Variants in CCDC178 observed in about 807,000 individuals in gnomAD.
The protein encoded by CCDC178 is coiled-coil domain-containing protein 178.
A neutral mutation model predicts 117.4 loss-of-function variants in CCDC178; 126 were observed. The ratio of observed to expected loss-of-function variants is 1.07; its 90% CI spans 0.93 to 1.24. The LOEUF (loss-of-function observed/expected upper bound fraction) is 1.24, where lower values mean the gene tolerates loss of function less well. CCDC178 is among the 50% of genes most tolerant of loss of function. The pLI, the probability that CCDC178 is intolerant of heterozygous loss-of-function variation, is 0.00. For synonymous variants in CCDC178, 283 were observed against 313.4 expected (o/e 0.90, Z 1.02); for missense variants, 1,030 against 986.9 (o/e 1.04, Z -0.59).
In CCDC178 at chr18:33,426,659, C is replaced by T. The variant is rs186700665; in HGVS notation, c.-23+13303G>A. ...TTTCCTTTTACTTCTCACTACAAAA[C>T]GTATTTGCTTTCTTCTTTCCTTGTA... On this transcript the variant is annotated intron_variant, in intron 2 of 22. Coordinates refer to ENST00000383096, the MANE Select transcript of CCDC178 (RefSeq NM_001105528.4). Among the ~76,000 whole-genome samples, 94 of 152,280 alleles carry T rather than the reference C, an allele frequency of 6.2e-4. 1 individual carries two copies. The East Asian group carries it at 0.014, about 22-fold the overall frequency.
At chr18:33,122,436 TTAC>T (rs1373626781) in intron 20 of CCDC178, among the ~76,000 whole-genome samples, 2 of 152,164 alleles carry the variant, frequency 1.3e-5, no homozygotes, top group African/African-American at 4.8e-5. Context: ...TTCATGATTT[TTAC>T]TACATTTTAT....
chr18:33,280,674 T>C (rs893940360), intron 12 of CCDC178, among the ~76,000 whole-genome samples: 5 of 152,252 alleles, frequency 3.3e-5, no homozygotes, highest in Admixed American at 1.3e-4. Flanking sequence ...TGCGGCACTA[T>C]TCACAGTAGC....
At chr18:33,087,012 AC>A (rs1169512230) in intron 21 of CCDC178, among the ~76,000 whole-genome samples, 10 of 147,206 alleles carry the variant, frequency 6.8e-5, no homozygotes, top group South Asian at 4.3e-4. Context: ...ACACACACAC[AC>A]AACAAAATAG....
In CCDC178 at chr18:33,267,224, G is replaced by A. The variant is rs753939150; in HGVS notation, c.1250C>T (p.Ala417Val). The change falls in exon 13 of 23, where the codon GCA becomes GTA. Residue 417 changes from alanine to valine, a missense_variant. Coordinates refer to ENST00000383096, the MANE Select transcript of CCDC178 (RefSeq NM_001105528.4). ...QKSHENQYLE[A>V]VNDFYAAKKT... ...TACTGCAGCATAAAAATCATTAACT[G>A]CTTCCAGATACTGATTTTCATGACT... The A allele has an allele frequency of 1.1e-5, 18 of 1,600,098 alleles. No homozygotes were observed. The highest frequency in any genetic ancestry group is 1.7e-4 in the Middle Eastern group (1 of 5,962).
At chr18:33,145,212 G>A (rs576359773) in intron 20 of CCDC178, among the ~76,000 whole-genome samples, 1 of 152,112 alleles carries the variant, frequency 6.6e-6, no homozygotes, top group African/African-American at 2.4e-5. Context: ...TCTGCCACCT[G>A]GTTCCTTTTA....
chr18:33,433,813 G>T (rs929046997), intron 2 of CCDC178, among the ~76,000 whole-genome samples: 2 of 122,608 alleles, frequency 1.6e-5, no homozygotes, highest in African/African-American at 5.9e-5. Context: ...TGTGTGTGTG[G>T]AAAGATATTT....
At chr18:33,386,309 C>G (rs571335609) in intron 5 of CCDC178, among the ~76,000 whole-genome samples, 1 of 152,296 alleles carries the variant, frequency 6.6e-6, no homozygotes, top group African/African-American at 2.4e-5. Context: ...TCTTCTGAAA[C>G]TATTCCAAAC....
At chr18:33,237,599 C>T (rs1438395534) in intron 15 of CCDC178, among the ~76,000 whole-genome samples, 1 of 151,656 alleles carries the variant, frequency 6.6e-6, no homozygotes, top group Non-Finnish European at 1.5e-5. Context: ...CATCTGCATG[C>T]CCATGTTCTA....
At chr18:33,027,705 C>T (rs1173597803) in intron 21 of CCDC178, among the ~76,000 whole-genome samples, 1 of 151,516 alleles carries the variant, frequency 6.6e-6, no homozygotes, top group Non-Finnish European at 1.5e-5. Context: ...AACATATCAT[C>T]AAAATATATT....
intron 21 of CCDC178, among the ~76,000 whole-genome samples, chr18:33,067,966 AAT>A (rs567025260): frequency 6.6e-6 from 1 of 152,150 alleles, no homozygotes; most frequent in South Asian, 2.1e-4. Flanking sequence ...GACTCAAATT[AAT>A]AACATCAGAA....
chr18:33,378,364 A>G (rs1439991485), intron 5 of CCDC178, among the ~76,000 whole-genome samples: 1 of 152,214 alleles, frequency 6.6e-6, no homozygotes, highest in African/African-American at 2.4e-5. Flanking sequence ...TTCTAGGTAT[A>G]CAATCATATT....
intron 22 of CCDC178, among the ~76,000 whole-genome samples, chr18:32,964,679 T>C (rs961602407): frequency 4.0e-5 from 6 of 151,872 alleles, no homozygotes; most frequent in Non-Finnish European, 8.8e-5. Flanking sequence ...CTGCTTCACG[T>C]CCCAGATGAT....
chr18:33,022,589 CTACAA>C (rs1408873864), intron 21 of CCDC178, among the ~76,000 whole-genome samples: 2 of 152,068 alleles, frequency 1.3e-5, no homozygotes, highest in African/African-American at 2.4e-5. Flanking sequence ...CAGAGATTCA[CTACAA>C]TACAATATAG....
chr18:33,381,395 AT>A (rs1477167495), intron 5 of CCDC178, among the ~76,000 whole-genome samples: 1 of 152,182 alleles, frequency 6.6e-6, no homozygotes, highest in Non-Finnish European at 1.5e-5. Context: ...TTATATATAT[AT>A]AACCAGAGAC....
intron 20 of CCDC178, among the ~76,000 whole-genome samples, chr18:33,167,788 C>A (rs1037905066): frequency 2.6e-5 from 4 of 151,894 alleles, no homozygotes; most frequent in African/African-American, 9.7e-5. Flanking sequence ...AATTGCATAA[C>A]CCCGGAAGGT....
At chr18:33,031,241 T>G (rs2056336148) in intron 21 of CCDC178, among the ~76,000 whole-genome samples, 1 of 132,550 alleles carries the variant, frequency 7.5e-6, no homozygotes, top group African/African-American at 3.0e-5. Context: ...ATTTTTGGAG[T>G]TTTTTTTTTT....
intron 12 of CCDC178, among the ~76,000 whole-genome samples, chr18:33,281,764 G>C (rs1240547623): frequency 1.3e-5 from 2 of 152,148 alleles, no homozygotes; most frequent in African/African-American, 4.8e-5. Context: ...TGTGCTTCTT[G>C]TACTACTGTA....
At chr18:32,959,604 T>A (rs949850678) in intron 22 of CCDC178, among the ~76,000 whole-genome samples, 11 of 152,134 alleles carry the variant, frequency 7.2e-5, no homozygotes, top group Admixed American at 6.6e-4. Flanking sequence ...TATCCTAATT[T>A]TTTTTCTCTT....
At chr18:33,127,233 C>T (rs1368340762) in intron 20 of CCDC178, among the ~76,000 whole-genome samples, 1 of 151,902 alleles carries the variant, frequency 6.6e-6, no homozygotes, top group Non-Finnish European at 1.5e-5. Flanking sequence ...TATGGATTCT[C>T]TGTGGACTCC....
Sources: gnomAD v4.1 joint callset for allele counts (sites outside exome capture counted in the v4.1 genomes callset) on GRCh38, gnomAD v4.1.1 for gene constraint, MANE v1.5 for transcripts, NCBI Gene and HGNC (gene_info 2026-07-23, HGNC 2026-07-21) for gene names.